RAB3GAP1: variants seen among roughly 807,000 people sequenced by gnomAD.
RAB3GAP1 encodes rab3 GTPase-activating protein catalytic subunit.
In RAB3GAP1, 86 loss-of-function variants were observed where a neutral mutation model predicts 130.7. That is an observed-to-expected ratio of 0.66 (90% CI 0.55 to 0.79). RAB3GAP1 has a LOEUF of 0.79. Among genes scored for constraint, RAB3GAP1 ranks in the 30% least tolerant of loss-of-function variants. The pLI is 0.00. For missense variants in RAB3GAP1, 1,029 were observed against 1,169.4 expected (o/e 0.88, Z 1.75); for synonymous variants, 367 against 401.7 (o/e 0.91, Z 1.03).
Position 135,162,738 on chromosome 2 carries a change from T to C in RAB3GAP1, c.2387-10T>C, listed in dbSNP as rs376897221. On this transcript the variant is annotated splice_polypyrimidine_tract_variant and intron_variant, in intron 20 of 23. Transcript: ENST00000264158. The stretch of plus-strand genomic sequence containing the variant: ...TTATTTAATGCTGGCTTCAATCTTT[T>C]CTAAAATAGAAAGTCTCGAAAACAT... The C allele has an allele frequency of 3.1e-6, 5 of 1,610,282 alleles. No homozygotes were observed. In the African/African-American group the frequency reaches 6.7e-5, roughly 22 times the overall value.
intron 5 of RAB3GAP1, 106 bp from the exon 6 acceptor site, chr2:135,113,045 C>T: frequency 6.7e-7 from 1 of 1,502,174 alleles, no homozygotes; most frequent in Non-Finnish European, 9.2e-7. Flanking sequence ...TAGTTTAAAC[C>T]TGACTTGTTA....
At chr2:135,172,491 G>A (rs145762632), downstream of RAB3GAP1, among the ~76,000 whole-genome samples, 220 of 152,260 alleles carry the variant, frequency 1.4e-3, 1 homozygote, top group African/African-American at 5.1e-3. Context: ...CAGAGGCTGG[G>A]GTGGAAGTAG....
intron 23 of RAB3GAP1, among the ~76,000 whole-genome samples, chr2:135,165,636 C>A (rs1237619431): frequency 6.6e-6 from 1 of 152,152 alleles, no homozygotes; most frequent in Non-Finnish European, 1.5e-5. Context: ...GCTCCCTAAA[C>A]CTCAGAATTT....
chr2:135,121,627 A>G (rs890392559), intron 8 of RAB3GAP1, among the ~76,000 whole-genome samples: 2 of 152,226 alleles, frequency 1.3e-5, no homozygotes, highest in African/African-American at 4.8e-5. Context: ...AATAAGGAAT[A>G]TAATACAAAC....
intron 2 of RAB3GAP1, among the ~76,000 whole-genome samples, chr2:135,053,032 C>T (rs1273678314): frequency 6.6e-6 from 1 of 152,182 alleles, no homozygotes; most frequent in African/African-American, 2.4e-5. Flanking sequence ...AGTCTGTCCG[C>T]CCAGGCCGGA....
At chr2:135,059,320 A>G (rs1359598108) in intron 3 of RAB3GAP1, among the ~76,000 whole-genome samples, 1 of 152,120 alleles carries the variant, frequency 6.6e-6, no homozygotes, top group Non-Finnish European at 1.5e-5. Context: ...ACTACTAAGA[A>G]GAGAGCTAAA....
At chr2:135,107,848 G>A (rs998456499) in intron 5 of RAB3GAP1, among the ~76,000 whole-genome samples, 1 of 152,012 alleles carries the variant, frequency 6.6e-6, no homozygotes, top group Non-Finnish European at 1.5e-5. Context: ...GGTGGCACAT[G>A]CCTGTAATCC....
intron 19 of RAB3GAP1, among the ~76,000 whole-genome samples, chr2:135,160,974 G>A (rs1476220093): frequency 6.6e-6 from 1 of 152,144 alleles, no homozygotes; most frequent in African/African-American, 2.4e-5. Flanking sequence ...AGAGGAGGGA[G>A]ACAGGTCATA....
chr2:135,130,619 A>G lies in RAB3GAP1; in HGVS notation c.1134A>G (p.Leu378=). 6.2e-7 allele frequency: 1 copy of G among 1,613,864 alleles called. No individual in the cohort carries two copies. The highest frequency in any genetic ancestry group is 8.5e-7 in the Non-Finnish European group (1 of 1,179,820). Residue 378 remains leucine (L), a synonymous_variant, in exon 13 of 24, where the codon TTA becomes TTG. Coordinates refer to ENST00000264158, the MANE Select transcript of RAB3GAP1 (RefSeq NM_012233.3). ...TEPASVPIHK[L]SVSNMVHTAK... is the part of the protein sequence containing the mutation. ...CGGCATCAGTTCCAATTCATAAATT[A>G]TCAGTTTCAAATATGGTACACACTG...
intron 5 of RAB3GAP1, among the ~76,000 whole-genome samples, chr2:135,111,779 C>T (rs1269588871): frequency 2.0e-5 from 3 of 151,750 alleles, no homozygotes; most frequent in African/African-American, 7.3e-5. Context: ...TTTTTTCTTT[C>T]AAATATCAGA....
chr2:135,165,806 A>C lies in RAB3GAP1; in HGVS notation c.2709+1110A>C, dbSNP rs543516223. Among the ~76,000 whole-genome samples the C allele has an allele frequency of 2.0e-5, 3 of 152,320 alleles. No homozygotes were observed. In the East Asian group the frequency reaches 5.8e-4, roughly 29 times the overall value. On this transcript the variant is annotated intron_variant, in intron 23 of 23. Coordinates refer to ENST00000264158, the MANE Select transcript of RAB3GAP1 (RefSeq NM_012233.3). ...TATCCAGTTCACTACCCAGAAGCTT[A>C]CAAGCGCATTTCCTTGTTAGCTACC...
At chr2:135,116,418 A>G (rs545226695) in intron 7 of RAB3GAP1, among the ~76,000 whole-genome samples, 4 of 152,314 alleles carry the variant, frequency 2.6e-5, no homozygotes, top group South Asian at 2.1e-4. Flanking sequence ...ATGTTTTGCA[A>G]CAGTAACTGG....
At chr2:135,174,242 G>A (rs1412329657), downstream of RAB3GAP1, among the ~76,000 whole-genome samples, 2 of 150,782 alleles carry the variant, frequency 1.3e-5, no homozygotes, top group Non-Finnish European at 3.0e-5. Context: ...CCCCCAACTT[G>A]GGACCCCATC....
intron 3 of RAB3GAP1, among the ~76,000 whole-genome samples, chr2:135,076,292 C>G (rs1689633833): frequency 6.6e-6 from 1 of 152,086 alleles, no homozygotes; most frequent in Non-Finnish European, 1.5e-5. Flanking sequence ...ATGTTTTCTG[C>G]CAAAATAGTT....
chr2:135,168,760 A>T lies in RAB3GAP1; in HGVS notation c.2925A>T (p.Ser975=). 1.9e-6 allele frequency: 3 copies of T among 1,613,630 alleles called. No individual in the cohort carries two copies. Among genetic ancestry groups the T allele is most frequent in the Non-Finnish European group, 2.5e-6 (3 of 1,179,554 alleles). The part of the protein sequence containing the change: ...KEDFRLAGAF[S]SDTSFF The stretch of plus-strand genomic sequence containing the variant: ...ACTTTAGACTTGCAGGTGCCTTTTC[A>T]TCAGATACTTCCTTCTTCTGATTCT... The change falls in exon 24 of 24, where the codon TCA becomes TCT. Residue 975 remains serine, a synonymous_variant. Coordinates refer to ENST00000264158, the MANE Select transcript of RAB3GAP1 (RefSeq NM_012233.3).
At chr2:135,096,650 A>G (rs1414732241) in intron 5 of RAB3GAP1, among the ~76,000 whole-genome samples, 1 of 152,214 alleles carries the variant, frequency 6.6e-6, no homozygotes, top group Non-Finnish European at 1.5e-5. Flanking sequence ...ACATTAATTG[A>G]ACACTTACTT....
At chr2:135,174,131 G>C (rs1394079838), downstream of RAB3GAP1, among the ~76,000 whole-genome samples, 1 of 152,236 alleles carries the variant, frequency 6.6e-6, no homozygotes, top group East Asian at 1.9e-4. Flanking sequence ...ATGTCTGACA[G>C]GTGGTCATGG....
At chr2:135,102,811 C>T (rs1053694529) in intron 5 of RAB3GAP1, among the ~76,000 whole-genome samples, 26 of 151,904 alleles carry the variant, frequency 1.7e-4, no homozygotes, top group African/African-American at 3.9e-4. Context: ...GTCAGGATTT[C>T]GAGACCAGCC....
chr2:135,122,902 A>G (rs375352877), intron 8 of RAB3GAP1, among the ~76,000 whole-genome samples: 3 of 151,742 alleles, frequency 2.0e-5, no homozygotes, highest in East Asian at 1.9e-4. Flanking sequence ...TAATTTTTGT[A>G]TTTTTTAGTA....
Sources: allele counts gnomAD v4.1 joint callset (sites outside exome capture counted in the v4.1 genomes callset), GRCh38; gene constraint gnomAD v4.1.1; transcripts MANE v1.5; gene names NCBI Gene and HGNC (gene_info 2026-07-23, HGNC 2026-07-21).